Variants in TAFA4 observed in about 807,000 individuals in gnomAD.
TAFA4 encodes TAFA chemokine like family member 4, also known as chemokine-like protein TAFA-4.
In TAFA4, 20 loss-of-function variants were observed where a neutral mutation model predicts 21.1. That is an observed-to-expected ratio of 0.95 (90% CI 0.67 to 1.38). The LOEUF (loss-of-function observed/expected upper bound fraction) is 1.38. Ranked by LOEUF, TAFA4 falls within the 40% of genes most tolerant of loss-of-function variation. The pLI, the probability that TAFA4 is intolerant of heterozygous loss-of-function variation, is 0.00. For synonymous variants in TAFA4, 71 were observed against 67.4 expected, an observed-to-expected ratio of 1.05 and a Z score of -0.26; for missense variants, 211 against 180.9, an observed-to-expected ratio of 1.17 and a Z score of -0.95.
At chr3:68,914,408 A>G (rs1301440433) in intron 1 of TAFA4, among the ~76,000 whole-genome samples, 2 of 152,240 alleles carry the variant, frequency 1.3e-5, no homozygotes, top group Admixed American at 1.3e-4. Context: ...CTATGTACCT[A>G]TGTGAACATT....
intron 1 of TAFA4, among the ~76,000 whole-genome samples, chr3:68,893,561 C>T (rs578064533): frequency 3.3e-5 from 5 of 152,246 alleles, no homozygotes; most frequent in Admixed American, 2.6e-4. Flanking sequence ...ACAGTTTAAC[C>T]GGATGACCTC....
intron 3 of TAFA4, among the ~76,000 whole-genome samples, chr3:68,766,093 C>A (rs776223760): frequency 1.3e-5 from 2 of 151,884 alleles, no homozygotes; most frequent in South Asian, 2.1e-4. Flanking sequence ...TGACAAGGAA[C>A]AGAAAAGCAC....
At chr3:68,852,576 T>C (rs1250453395) in intron 3 of TAFA4, among the ~76,000 whole-genome samples, 2 of 152,154 alleles carry the variant, frequency 1.3e-5, no homozygotes, top group Non-Finnish European at 2.9e-5. Flanking sequence ...ACTCAGGGTA[T>C]GGAGAACCCA....
intron 3 of TAFA4, among the ~76,000 whole-genome samples, chr3:68,778,875 GA>G (rs1703099150): frequency 6.6e-6 from 1 of 152,226 alleles, no homozygotes; most frequent in African/African-American, 2.4e-5. Context: ...CAAAAATGTG[GA>G]AGTGATGTTG....
chr3:68,898,464 T>G (rs559246743), intron 1 of TAFA4, among the ~76,000 whole-genome samples: 3 of 152,122 alleles, frequency 2.0e-5, no homozygotes, highest in Non-Finnish European at 4.4e-5. Flanking sequence ...CCGGCCAACA[T>G]AGTGAAAACC....
At chr3:68,801,044 A>G (rs1703567803) in intron 3 of TAFA4, among the ~76,000 whole-genome samples, 2 of 152,298 alleles carry the variant, frequency 1.3e-5, no homozygotes, top group East Asian at 3.9e-4. Flanking sequence ...TGGATGAAAA[A>G]GCCCATCATT....
intron 3 of TAFA4, among the ~76,000 whole-genome samples, chr3:68,827,812 G>A (rs997209611): frequency 2.0e-5 from 3 of 152,166 alleles, no homozygotes; most frequent in African/African-American, 7.2e-5. Flanking sequence ...TTGCAAAAAT[G>A]TTCTCCCATT....
At chr3:68,878,827 AAG>A (rs1218921968) in intron 3 of TAFA4, among the ~76,000 whole-genome samples, 1 of 152,132 alleles carries the variant, frequency 6.6e-6, no homozygotes, top group Non-Finnish European at 1.5e-5. Context: ...GTCTTCAAGA[AAG>A]AGTCTCACCA....
rs3048092 is a variant in TAFA4, at chr3:68,900,240, T to TTAATAA, written c.-122-14936_-122-14931dup. On this transcript the variant is annotated intron_variant, in intron 1 of 5. Transcript: ENST00000295569. ...TTGGGTGACAGAGCGAGACTCTCTCTTAATAATAATAATAATAATAATAAT... is the reference window on the plus strand; with the variant it reads ...TTGGGTGACAGAGCGAGACTCTCTCTTAATAATAATAATAATAATAATAATAATAAT... 5.7e-3 allele frequency among the ~76,000 whole-genome samples: 755 copies of TTAATAA among 132,802 alleles called. 3 individuals carry two copies. Among genetic ancestry groups the TTAATAA allele is most frequent in the African/African-American group, 8.8e-3 (319 of 36,232 alleles). The allele number at this position is 132,802 out of a possible 152,430, so 87.1% of individuals were successfully genotyped here. A position where few individuals can be genotyped will look rare whatever the true frequency, so the allele number is the denominator to read the frequency against.
intron 3 of TAFA4, among the ~76,000 whole-genome samples, chr3:68,852,646 T>A (rs1343270485): frequency 1.3e-5 from 2 of 152,158 alleles, no homozygotes; most frequent in South Asian, 2.1e-4. Flanking sequence ...TTGAGTTGAA[T>A]TGGCCAAGTT....
At chr3:68,892,437 G>A (rs2089739514) in intron 1 of TAFA4, among the ~76,000 whole-genome samples, 2 of 152,126 alleles carry the variant, frequency 1.3e-5, no homozygotes, top group Non-Finnish European at 2.9e-5. Flanking sequence ...GAGTGAGAAG[G>A]TTTGAGGGGG....
At chr3:68,769,768 A>G (rs1368338333) in intron 3 of TAFA4, among the ~76,000 whole-genome samples, 1 of 152,184 alleles carries the variant, frequency 6.6e-6, no homozygotes, top group Non-Finnish European at 1.5e-5. Context: ...GCATCCTCAT[A>G]ATATTTAATT....
intron 3 of TAFA4, among the ~76,000 whole-genome samples, chr3:68,803,642 A>G (rs1238643242): frequency 6.6e-6 from 1 of 150,932 alleles, no homozygotes; most frequent in Non-Finnish European, 1.5e-5. Flanking sequence ...TGAAGTTTTG[A>G]TTCCTCTCTG....
At chr3:68,826,643 T>C (rs945399729) in intron 3 of TAFA4, among the ~76,000 whole-genome samples, 9 of 150,964 alleles carry the variant, frequency 6.0e-5, no homozygotes, top group Admixed American at 4.6e-4. Flanking sequence ...TAAGTGAGCA[T>C]GCATAAATGT....
intron 3 of TAFA4, among the ~76,000 whole-genome samples, chr3:68,793,064 A>T (rs1345063469): frequency 6.6e-6 from 1 of 152,084 alleles, no homozygotes; most frequent in East Asian, 1.9e-4. Context: ...TGCTTTTATT[A>T]TTCTTGAGTT....
At chr3:68,864,357 T>G (rs1204741374) in intron 3 of TAFA4, among the ~76,000 whole-genome samples, 1 of 152,164 alleles carries the variant, frequency 6.6e-6, no homozygotes, top group Non-Finnish European at 1.5e-5. Context: ...TGCAACATTA[T>G]TAGCCATTAG....
At chr3:68,874,521 C>CT (rs976054460) in intron 3 of TAFA4, among the ~76,000 whole-genome samples, 3 of 152,092 alleles carry the variant, frequency 2.0e-5, no homozygotes, top group African/African-American at 7.2e-5. Context: ...TGACCTGTAG[C>CT]TTTTTAAACC....
intron 1 of TAFA4, among the ~76,000 whole-genome samples, chr3:68,914,370 G>C (rs2089985434): frequency 1.3e-5 from 2 of 152,318 alleles, no homozygotes; most frequent in South Asian, 4.1e-4. Context: ...TGGAAATTCT[G>C]CATGCTATGT....
chr3:68,896,966 C>T (rs944445548), intron 1 of TAFA4, among the ~76,000 whole-genome samples: 1 of 152,178 alleles, frequency 6.6e-6, no homozygotes, highest in African/African-American at 2.4e-5. Flanking sequence ...TACAATGGCG[C>T]GATCTTGGCT....
Sources: gnomAD v4.1 joint callset for allele counts (sites outside exome capture counted in the v4.1 genomes callset) on GRCh38, gnomAD v4.1.1 for gene constraint, MANE v1.5 for transcripts, NCBI Gene and HGNC (gene_info 2026-07-23, HGNC 2026-07-21) for gene names.